SYT7: variants seen among roughly 807,000 people sequenced by gnomAD.
SYT7 encodes synaptotagmin 7.
SYT7 carries 29 observed loss-of-function variants against 75.1 expected under a neutral mutation model. The ratio of observed to expected loss-of-function variants is 0.39; its 90% CI spans 0.29 to 0.53. The LOEUF (loss-of-function observed/expected upper bound fraction) is 0.53. Ranked by LOEUF, SYT7 falls within the 20% of genes least tolerant of loss-of-function variation. SYT7 has a pLI of 0.77. For missense variants in SYT7, 693 were observed against 953.2 expected, an observed-to-expected ratio of 0.73 and a Z score of 3.59; for synonymous variants, 376 against 401.7, an observed-to-expected ratio of 0.94 and a Z score of 0.76.
chr11:61,545,683 G>A (rs1245195153), intron 5 of SYT7, among the ~76,000 whole-genome samples: 3 of 152,234 alleles, frequency 2.0e-5, no homozygotes, highest in African/African-American at 7.2e-5. Flanking sequence ...TGCTGCCCAT[G>A]GAGGGATGAC....
At chr11:61,530,737 G>T in intron 8 of SYT7, 1 of 938,794 alleles carries the variant, frequency 1.1e-6, no homozygotes, top group Non-Finnish European at 1.3e-6. Context: ...GTGTGGTCTT[G>T]GGAAGGCCTG....
At chr11:61,544,686 G>A (rs1306484554) in intron 5 of SYT7, among the ~76,000 whole-genome samples, 1 of 152,200 alleles carries the variant, frequency 6.6e-6, no homozygotes, top group Non-Finnish European at 1.5e-5. Context: ...ACTAAAATTG[G>A]TTCCTCCAGG....
chr11:61,584,733 A>G (rs549388395), upstream of SYT7, among the ~76,000 whole-genome samples: 1 of 152,340 alleles, frequency 6.6e-6, no homozygotes, highest in Non-Finnish European at 1.5e-5. Context: ...AACTGGGTAG[A>G]GGCAGTAAAT....
chr11:61,556,051 G>T, intron 2 of SYT7, 53 bp downstream of exon 2: 1 of 1,462,846 alleles, frequency 6.8e-7, no homozygotes, highest in South Asian at 1.2e-5. Flanking sequence ...TGGGGAGGGG[G>T]GGCAGTGTGC....
At chr11:61,588,200 G>C in the SYT7 span, among the ~76,000 whole-genome samples, 1 of 152,166 alleles carries the variant, frequency 6.6e-6, no homozygotes, top group South Asian at 2.1e-4. Context: ...GGAGCTGCTG[G>C]GCTCCTTGGT....
intron 9 of SYT7, among the ~76,000 whole-genome samples, chr11:61,527,110 A>G (rs1257738761): frequency 6.6e-6 from 1 of 152,142 alleles, no homozygotes; most frequent in Non-Finnish European, 1.5e-5. Context: ...CAGAGATAAG[A>G]GATAAAGACC....
upstream of SYT7, among the ~76,000 whole-genome samples, chr11:61,585,535 C>T (rs1380926686): frequency 6.6e-6 from 1 of 152,176 alleles, no homozygotes; most frequent in Non-Finnish European, 1.5e-5. Flanking sequence ...CCCCTTCCTC[C>T]TCTGCAGAGG....
upstream of SYT7, among the ~76,000 whole-genome samples, chr11:61,584,886 A>G (rs198759): frequency 0.15 from 23,453 of 152,190 alleles, 4,852 homozygotes; most frequent in African/African-American, 0.48. Context: ...GCCCCTACAG[A>G]AGGGGGGCCC....
rs1376711687 is a variant in SYT7, at chr11:61,542,562, A to G, written c.590T>C (p.Leu197Pro). ...LNLSNFEDST[L>P]STATTLESIP... ...AGACTCAAGGGTAGTGGCCGTGGAC[A>G]GGGTGGAGTCCTCGAAACTTGGGGC... is the stretch of plus-strand genomic sequence containing the variant. Residue 197 changes from leucine to proline, a missense_variant, in exon 6 of 13, where the codon CTG (leucine) becomes CCG (proline). Physicochemically the swap from Leu to Pro is moderately conservative, Grantham distance 98. This residue lies in a region of SYT7 where 487 missense variants were observed against 593.2 expected (regional missense o/e 0.82). Coordinates refer to ENST00000539008, the MANE Select transcript of SYT7 (RefSeq NM_001365809.2). This position sits in a 1 kb window ranked among gnomAD's most constrained non-coding sequence, Gnocchi z 7.8. 1.3e-6 allele frequency: 2 copies of G among 1,506,424 alleles called. No individual in the cohort carries two copies. Among genetic ancestry groups the G allele is most frequent in the African/African-American group, 1.4e-5 (1 of 71,346 alleles). The allele number at this position is 1,506,424 out of a possible 1,614,324, so 93.3% of individuals were successfully genotyped here. A position where few individuals can be genotyped will look rare whatever the true frequency, so the allele number is the denominator to read the frequency against.
intron 8 of SYT7, among the ~76,000 whole-genome samples, chr11:61,531,334 G>A (rs928302558): frequency 6.6e-6 from 1 of 152,210 alleles, no homozygotes; most frequent in Non-Finnish European, 1.5e-5. Context: ...GCTGGGAAGG[G>A]GCTGTCCCTT....
In SYT7 at chr11:61,517,557, C is replaced by G. The variant is rs1029897980; in HGVS notation, c.*1070G>C. On this transcript the variant is annotated 3_prime_UTR_variant, in exon 13 of 13. Coordinates refer to ENST00000539008, the MANE Select transcript of SYT7 (RefSeq NM_001365809.2). ...GAGGAAAGAAGGGTGGAGGTCTGCA[C>G]AGGCAGGGAGAGATGAGGAAGGGCA... 2 of 399,424 alleles carry G rather than the reference C, an allele frequency of 5.0e-6. No individual in the cohort carries two copies. The highest frequency in any genetic ancestry group is 4.1e-5 in the African/African-American group (2 of 48,548). The allele number at this position is 399,424 out of a possible 1,614,324, so 24.7% of individuals were successfully genotyped here.
chr11:61,539,196 G>GT (rs1225944405), intron 6 of SYT7, among the ~76,000 whole-genome samples: 6 of 152,196 alleles, frequency 3.9e-5, no homozygotes. Context: ...GTGAGAGATC[G>GT]TGCTTTGAGG....
intron 2 of SYT7, among the ~76,000 whole-genome samples, chr11:61,552,173 A>G (rs1390161448): frequency 6.6e-6 from 1 of 152,066 alleles, no homozygotes; most frequent in Non-Finnish European, 1.5e-5. Context: ...TCCTCCAGCT[A>G]AAGGAAGGGC....
At chr11:61,547,134 C>T (rs1222732977) in intron 4 of SYT7, 43 bp downstream of exon 4, 11 of 1,529,990 alleles carry the variant, frequency 7.2e-6, no homozygotes, top group African/African-American at 1.4e-5. Context: ...AGGGCGTGCG[C>T]GGATACTCGG....
At chr11:61,549,900 T>C (rs1439698065) in intron 3 of SYT7, among the ~76,000 whole-genome samples, 2 of 152,116 alleles carry the variant, frequency 1.3e-5, no homozygotes, top group East Asian at 1.9e-4. Flanking sequence ...TCCAGGACTC[T>C]GGGCCCTGCC....
At chr11:61,585,404 G>C (rs2135496586), upstream of SYT7, among the ~76,000 whole-genome samples, 1 of 152,294 alleles carries the variant, frequency 6.6e-6, no homozygotes, top group African/African-American at 2.4e-5. Context: ...GATTCAGGAG[G>C]GACAGGCTTA....
intron 1 of SYT7, among the ~76,000 whole-genome samples, chr11:61,569,174 AT>A (rs564314734): frequency 3.3e-4 from 50 of 151,660 alleles, no homozygotes; most frequent in Admixed American, 9.2e-4. Context: ...TTCTAAATGA[AT>A]TTTTTTTTCC....
At position 61,542,488 on chromosome 11, in the gene SYT7, T is replaced by A. The variant is rs2063072923; in HGVS notation, c.664A>T (p.Met222Leu). 3.3e-6 allele frequency: 5 copies of A among 1,532,970 alleles called. No homozygotes were observed. The highest frequency in any genetic ancestry group is 4.4e-6 in the Non-Finnish European group (5 of 1,146,010). 95.0% of individuals were successfully genotyped at this position (1,532,970 alleles called of 1,614,324 possible). Reference protein sequence around the residue: ...EPKCQRPRTLMRQQSLQQPLS... With the variant: ...EPKCQRPRTLLRQQSLQQPLS... ...GGCTGTTGCAGGCTCTGCTGCCGCA[T>A]CAGGGTGCGGGGTCGCTGGCATTTC... The change falls in exon 6 of 13, where the codon ATG becomes TTG. Residue 222 changes from methionine to leucine, a missense_variant. This residue lies in a region of SYT7 where 487 missense variants were observed against 593.2 expected (regional missense o/e 0.82). Transcript: ENST00000539008. The surrounding 1 kb of genome is among the most constrained non-coding windows in gnomAD (Gnocchi z 7.8).
rs569765263 is a variant in SYT7 at position 61,517,685 on chromosome 11, G to A, written c.*942C>T. 66 of 398,304 alleles carry A rather than the reference G, an allele frequency of 1.7e-4. No individual in the cohort carries two copies. The highest frequency in any genetic ancestry group is 7.0e-4 in the Admixed American group (16 of 22,724). The allele number at this position is 398,304 out of a possible 1,614,324, so 24.7% of individuals were successfully genotyped here. A position where few individuals can be genotyped will look rare whatever the true frequency, so the allele number is the denominator to read the frequency against. Reference sequence around the variant, plus strand: ...TGAAGGAGTTAGGGCAAAGCTAGTCGGGGCTCGGGACCCCCTGAGAAGGAA... The same window carrying A: ...TGAAGGAGTTAGGGCAAAGCTAGTCAGGGCTCGGGACCCCCTGAGAAGGAA... On this transcript the variant is annotated 3_prime_UTR_variant, in exon 13 of 13. Transcript: ENST00000539008.
Sources: allele counts gnomAD v4.1 joint callset (sites outside exome capture counted in the v4.1 genomes callset), GRCh38; gene constraint gnomAD v4.1.1; regional missense constraint gnomAD v4.1.1; non-coding constraint Gnocchi (gnomAD v3.1); transcripts MANE v1.5; gene names NCBI Gene and HGNC (gene_info 2026-07-23, HGNC 2026-07-21).